The following FSHR variants were observed in gnomAD, a reference collection of about 807,000 sequenced individuals.
The protein encoded by FSHR is follicle stimulating hormone receptor, also known as follicle-stimulating hormone receptor.
A neutral mutation model predicts 52.1 loss-of-function variants in FSHR; 46 were observed. The ratio of observed to expected loss-of-function variants is 0.88; its 90% CI spans 0.70 to 1.13. FSHR has a LOEUF of 1.13. Among genes scored for constraint, FSHR ranks in the 50% most tolerant of loss-of-function variants. The pLI is 0.00. For missense variants in FSHR, 964 were observed against 834.6 expected (o/e 1.16, Z -1.91); for synonymous variants, 399 against 309.6 (o/e 1.29, Z -3.03).
intron 1 of FSHR, among the ~76,000 whole-genome samples, chr2:49,138,225 C>G (rs1200459782): frequency 6.6e-6 from 1 of 151,990 alleles, no homozygotes; most frequent in Admixed American, 6.6e-5. Flanking sequence ...TAAGCAATTA[C>G]AATGATGTGA....
intron 2 of FSHR, among the ~76,000 whole-genome samples, chr2:49,037,573 A>G (rs1468113533): frequency 7.0e-6 from 1 of 143,218 alleles, no homozygotes; most frequent in African/African-American, 3.0e-5. Flanking sequence ...TATAAGAAAA[A>G]TAAGAAAATT....
intron 8 of FSHR, among the ~76,000 whole-genome samples, chr2:48,978,485 A>T (rs1283340885): frequency 1.3e-5 from 2 of 152,382 alleles, no homozygotes; most frequent in Admixed American, 1.3e-4. Context: ...TATCAAATGA[A>T]TCTGAGCTAT....
At chr2:48,993,024 T>A (rs543537502) in intron 4 of FSHR, among the ~76,000 whole-genome samples, 19 of 152,322 alleles carry the variant, frequency 1.2e-4, no homozygotes, top group East Asian at 7.7e-4. Context: ...TTGGTTTCTG[T>A]CATTTTGCAT....
chr2:48,978,653 A>G (rs1040800671), intron 8 of FSHR, among the ~76,000 whole-genome samples: 4 of 152,210 alleles, frequency 2.6e-5, no homozygotes, highest in East Asian at 3.9e-4. Flanking sequence ...TCAGAATATC[A>G]GGTAAAAACT....
At chr2:49,028,923 G>T (rs1266127912) in intron 2 of FSHR, among the ~76,000 whole-genome samples, 1 of 152,194 alleles carries the variant, frequency 6.6e-6, no homozygotes, top group Non-Finnish European at 1.5e-5. Context: ...GGAGTTTGTT[G>T]TCATCTGTCC....
At chr2:48,990,450 C>T in intron 5 of FSHR, 116 bp downstream of exon 5, 1 of 791,238 alleles carries the variant, frequency 1.3e-6, no homozygotes, top group Non-Finnish European at 2.3e-6. Flanking sequence ...TTTGCTAACC[C>T]AGAGCAATAC....
At chr2:49,046,083 C>T (rs1261182296) in intron 2 of FSHR, among the ~76,000 whole-genome samples, 1 of 152,186 alleles carries the variant, frequency 6.6e-6, no homozygotes, top group African/African-American at 2.4e-5. Context: ...TTCTGAGCTT[C>T]ATCTCCTCAC....
intron 2 of FSHR, among the ~76,000 whole-genome samples, chr2:49,061,626 A>AAATT (rs397727574): frequency 2.8e-5 from 4 of 143,196 alleles, no homozygotes; most frequent in Non-Finnish European, 6.1e-5. Flanking sequence ...ATATAAAAAT[A>AAATT]CATATATCTA....
chr2:48,966,994 TGTCTAGAGGA>T (rs1419141117), intron 9 of FSHR, among the ~76,000 whole-genome samples: 1 of 152,186 alleles, frequency 6.6e-6, no homozygotes, highest in East Asian at 1.9e-4. Flanking sequence ...CTTGAGGCTA[TGTCTAGAGGA>T]GTCTGAGTAA....
chr2:49,051,896 G>T (rs1383016401), intron 2 of FSHR, among the ~76,000 whole-genome samples: 1 of 151,940 alleles, frequency 6.6e-6, no homozygotes, highest in African/African-American at 2.4e-5. Context: ...GGGATTTATT[G>T]TTTTTCCAAT....
intron 1 of FSHR, among the ~76,000 whole-genome samples, chr2:49,113,849 T>C (rs947676452): frequency 2.6e-5 from 4 of 152,120 alleles, no homozygotes; most frequent in African/African-American, 9.7e-5. Flanking sequence ...TCCCCCTCTA[T>C]TGATTATAAG....
In FSHR at chr2:49,020,169, A is replaced by G; in HGVS notation, c.225-9T>C. On this transcript the variant is annotated splice_polypyrimidine_tract_variant and intron_variant, in intron 2 of 9. Coordinates refer to ENST00000406846, the MANE Select transcript of FSHR (RefSeq NM_000145.4). ...CATTCTGAGAGATCTCTCTGTGGAG[A>G]AAAAAATATATAAGTCAAGCCAGTT... 6.2e-7 allele frequency: 1 copy of G among 1,607,684 alleles called. No individual in the cohort carries two copies. The highest frequency in any genetic ancestry group is 8.5e-7 in the Non-Finnish European group (1 of 1,174,244).
chr2:49,031,304 C>T (rs1373793560), intron 2 of FSHR, among the ~76,000 whole-genome samples: 1 of 152,128 alleles, frequency 6.6e-6, no homozygotes, highest in East Asian at 1.9e-4. Flanking sequence ...CGCATTTGTC[C>T]TTTACTAAAA....
chr2:49,133,081 C>A (rs1268052835), intron 1 of FSHR, among the ~76,000 whole-genome samples: 1 of 151,542 alleles, frequency 6.6e-6, no homozygotes, highest in Non-Finnish European at 1.5e-5. Flanking sequence ...CAGACTGCTG[C>A]AGTAAAGAAC....
At chr2:49,153,162 C>T (rs980243703) in intron 1 of FSHR, among the ~76,000 whole-genome samples, 1 of 152,226 alleles carries the variant, frequency 6.6e-6, no homozygotes, top group East Asian at 1.9e-4. Context: ...ATCTGAAATG[C>T]AACACCAACA....
rs1671165422 is a variant in FSHR at position 49,104,838 on chromosome 2, T to G, written c.153-36548A>C. On this transcript the variant is annotated intron_variant, in intron 1 of 9. Coordinates refer to ENST00000406846, the MANE Select transcript of FSHR (RefSeq NM_000145.4). ...GCTTAGCCCCAGTGCCCCCTCTTGG[T>G]ATGGGGTGGGAAAGAGATGGGGGGA... 3.5e-5 allele frequency among the ~76,000 whole-genome samples: 5 copies of G among 142,942 alleles called. No homozygotes were observed. The South Asian group carries it at 9.6e-4, about 28-fold the overall frequency. The allele number at this position is 142,942 out of a possible 152,430, so 93.8% of individuals were successfully genotyped here. A position where few individuals can be genotyped will look rare whatever the true frequency, so the allele number is the denominator to read the frequency against.
intron 1 of FSHR, among the ~76,000 whole-genome samples, chr2:49,098,399 G>T (rs1670903087): frequency 6.6e-6 from 1 of 152,118 alleles, no homozygotes; most frequent in Non-Finnish European, 1.5e-5. Context: ...ATAGAATGGG[G>T]TGATATAGAG....
chr2:48,994,603 T>G (rs1243626146), intron 4 of FSHR, among the ~76,000 whole-genome samples: 1 of 129,918 alleles, frequency 7.7e-6, no homozygotes, highest in Non-Finnish European at 1.7e-5. Context: ...TTTCAATTCA[T>G]TTTTCCCCTC....
chr2:48,962,662 C>T lies in FSHR; in HGVS notation c.*71G>A. 1 of 1,472,088 alleles carries T rather than the reference C, an allele frequency of 6.8e-7. No homozygotes were observed. The allele number at this position is 1,472,088 out of a possible 1,614,324, so 91.2% of individuals were successfully genotyped here. ...GAAATGTGTAGAAGCACTGTCAGCT[C>T]TTTGTGACATACCCTTCAAAGGCAA... On this transcript the variant is annotated 3_prime_UTR_variant, in exon 10 of 10. Coordinates refer to ENST00000406846, the MANE Select transcript of FSHR (RefSeq NM_000145.4).
Sources: allele counts gnomAD v4.1 joint callset (sites outside exome capture counted in the v4.1 genomes callset), GRCh38; gene constraint gnomAD v4.1.1; transcripts MANE v1.5; gene names NCBI Gene and HGNC (gene_info 2026-07-23, HGNC 2026-07-21).